Variants in VPS13A observed in about 807,000 individuals in gnomAD.
The protein encoded by VPS13A is intermembrane lipid transfer protein VPS13A.
Under a neutral mutation model 390.9 loss-of-function variants are expected in VPS13A, and 264 were observed. The observed-to-expected ratio is 0.68, with a 90% CI of 0.61 to 0.75. The LOEUF is 0.75. Ranked by LOEUF, VPS13A falls within the 30% of genes least tolerant of loss-of-function variation. The pLI is 0.00. For synonymous variants in VPS13A, 1,231 were observed against 1,227.1 expected, an observed-to-expected ratio of 1.00 and a Z score of -0.07; for missense variants, 3,409 against 3,733.9, an observed-to-expected ratio of 0.91 and a Z score of 2.27.
intron 68 of VPS13A, among the ~76,000 whole-genome samples, chr9:77,400,379 C>T (rs923974840): frequency 1.3e-5 from 2 of 151,682 alleles, no homozygotes; most frequent in Non-Finnish European, 2.9e-5. Flanking sequence ...CAAATATTTT[C>T]CCAAATTGTC....
At chr9:77,323,605 TA>T (rs1185902351) in intron 45 of VPS13A, among the ~76,000 whole-genome samples, 1 of 152,162 alleles carries the variant, frequency 6.6e-6, no homozygotes, top group Non-Finnish European at 1.5e-5. Flanking sequence ...AAACTGCATA[TA>T]TTTAAAGTTG....
At chr9:77,329,506 G>A (rs1297730413) in intron 45 of VPS13A, among the ~76,000 whole-genome samples, 2 of 152,148 alleles carry the variant, frequency 1.3e-5, no homozygotes, top group African/African-American at 2.4e-5. Flanking sequence ...CAGAGAATAG[G>A]GAGGTCCGAA....
intron 10 of VPS13A, among the ~76,000 whole-genome samples, chr9:77,218,238 C>T (rs1024706499): frequency 7.3e-5 from 11 of 151,602 alleles, no homozygotes; most frequent in African/African-American, 2.2e-4. Context: ...CTCAGACTCC[C>T]GAGTAGCTGG....
intron 35 of VPS13A, among the ~76,000 whole-genome samples, chr9:77,313,787 T>G (rs1829227621): frequency 6.6e-6 from 1 of 152,154 alleles, no homozygotes; most frequent in Non-Finnish European, 1.5e-5. Flanking sequence ...ACACCAAGTG[T>G]TCAATTAATA....
intron 19 of VPS13A, among the ~76,000 whole-genome samples, chr9:77,240,815 G>T (rs1459389728): frequency 3.9e-5 from 6 of 152,016 alleles, no homozygotes; most frequent in African/African-American, 1.4e-4. Context: ...AGAATTAAAG[G>T]TTGATGTTCA....
chr9:77,274,620 A>T (rs1826540274), intron 24 of VPS13A, among the ~76,000 whole-genome samples: 1 of 152,016 alleles, frequency 6.6e-6, no homozygotes, highest in Non-Finnish European at 1.5e-5. Flanking sequence ...ATCATCAATA[A>T]TTATCTACAT....
chr9:77,337,758 G>C (rs1215459741), intron 47 of VPS13A: 5 of 477,180 alleles, frequency 1.0e-5, no homozygotes, highest in African/African-American at 9.7e-5. Context: ...ACATTATGTT[G>C]TATTCTTTTA....
At position 77,407,516 on chromosome 9, in the gene VPS13A, A is replaced by C. The variant is rs755736043; in HGVS notation, c.9400-17A>C. The C allele has an allele frequency of 6.3e-7, 1 of 1,598,812 alleles. No individual in the cohort carries two copies. The highest frequency in any genetic ancestry group is 8.6e-7 in the Non-Finnish European group (1 of 1,166,942). On this transcript the variant is annotated splice_polypyrimidine_tract_variant and intron_variant, in intron 70 of 71. Coordinates refer to ENST00000360280, the MANE Select transcript of VPS13A (RefSeq NM_033305.3). ...ACCAGATTATCTTTTTAATGAATTTACATATTCTGTTTATAGGAACGAGTG... is the reference window on the plus strand; with the variant it reads ...ACCAGATTATCTTTTTAATGAATTTCCATATTCTGTTTATAGGAACGAGTG...
intron 26 of VPS13A, among the ~76,000 whole-genome samples, chr9:77,278,761 A>T (rs1028512252): frequency 1.3e-5 from 2 of 152,168 alleles, no homozygotes; most frequent in African/African-American, 4.8e-5. Context: ...TTTTCTAGCA[A>T]CCGTAAGTCA....
chr9:77,203,051 A>G (rs557757886), intron 3 of VPS13A, among the ~76,000 whole-genome samples: 3 of 152,322 alleles, frequency 2.0e-5, no homozygotes, highest in East Asian at 1.9e-4. Context: ...ATACAGTAGT[A>G]CAATCAGTTT....
intron 54 of VPS13A, among the ~76,000 whole-genome samples, chr9:77,355,047 A>G (rs1450237203): frequency 1.3e-5 from 2 of 152,126 alleles, no homozygotes; most frequent in Admixed American, 6.6e-5. Context: ...TTCTCTCAAC[A>G]TAAAAAATTC....
At chr9:77,336,557 G>T (rs1277882811) in intron 46 of VPS13A, among the ~76,000 whole-genome samples, 2 of 151,898 alleles carry the variant, frequency 1.3e-5, no homozygotes, top group Admixed American at 6.6e-5. Flanking sequence ...TTCAGTCATG[G>T]CATTTATTTC....
At chr9:77,288,620 CA>C (rs1827477064) in intron 31 of VPS13A, among the ~76,000 whole-genome samples, 1 of 152,112 alleles carries the variant, frequency 6.6e-6, no homozygotes, top group Non-Finnish European at 1.5e-5. Context: ...TCATTATGGT[CA>C]GGGGAGAAAC....
intron 68 of VPS13A, among the ~76,000 whole-genome samples, chr9:77,391,055 A>C (rs1031762877): frequency 4.6e-5 from 7 of 152,220 alleles, no homozygotes; most frequent in Non-Finnish European, 1.0e-4. Flanking sequence ...TTTTTAATCA[A>C]AGATCTGTCA....
intron 16 of VPS13A, 89 bp from the exon 17 acceptor site, chr9:77,228,033 T>C: frequency 1.0e-6 from 1 of 994,698 alleles, no homozygotes; most frequent in South Asian, 2.4e-5. Flanking sequence ...AAATATTTGG[T>C]GGTTTTTGAA....
At chr9:77,368,022 T>C in intron 61 of VPS13A, 33 bp from the exon 62 acceptor site, 2 of 1,568,478 alleles carry the variant, frequency 1.3e-6, no homozygotes, top group Non-Finnish European at 1.7e-6. Context: ...TTCATACACA[T>C]GTACAGACAA....
chr9:77,352,460 G>A (rs1431057608), intron 53 of VPS13A, among the ~76,000 whole-genome samples: 1 of 151,982 alleles, frequency 6.6e-6, no homozygotes, highest in Non-Finnish European at 1.5e-5. Flanking sequence ...TTGCCTATAA[G>A]TGGCCTTTCA....
chr9:77,354,789 A>G (rs1396174290), intron 54 of VPS13A, among the ~76,000 whole-genome samples: 2 of 152,148 alleles, frequency 1.3e-5, no homozygotes, highest in Non-Finnish European at 2.9e-5. Flanking sequence ...GCAAACTTCC[A>G]GAGACCCATC....
At chr9:77,260,520 T>C (rs1825700216) in intron 23 of VPS13A, among the ~76,000 whole-genome samples, 1 of 151,098 alleles carries the variant, frequency 6.6e-6, no homozygotes, top group African/African-American at 2.4e-5. Context: ...CACGCCCGGC[T>C]AATTTTTTGT....
Sources: allele counts gnomAD v4.1 joint callset (sites outside exome capture counted in the v4.1 genomes callset), GRCh38; gene constraint gnomAD v4.1.1; transcripts MANE v1.5; gene names NCBI Gene and HGNC (gene_info 2026-07-23, HGNC 2026-07-21).